XNDC1N: variants seen among roughly 807,000 people sequenced by gnomAD.
The protein encoded by XNDC1N is protein XNDC1N.
At chr11:71,882,445 G>T in the XNDC1N span, among the ~76,000 whole-genome samples, 1 of 152,094 alleles carries the variant, frequency 6.6e-6, no homozygotes, top group East Asian at 1.9e-4. Context: ...TGGCCAGGCT[G>T]GTCTTGAACC....
At chr11:71,895,501 A>C in the XNDC1N span, among the ~76,000 whole-genome samples, 3 of 74,322 alleles carry the variant, frequency 4.0e-5, no homozygotes, top group Admixed American at 1.5e-4. Context: ...TTTTTTTTGT[A>C]TTGTTAATAG....
the XNDC1N span, chr11:71,903,637 T>C: frequency 2.0e-6 from 1 of 507,994 alleles, no homozygotes; most frequent in Non-Finnish European, 3.4e-6. Flanking sequence ...TTTGTTGTCC[T>C]TGTTTTTTTT....
the XNDC1N span, chr11:71,919,072 G>C: frequency 1.4e-6 from 1 of 696,704 alleles, no homozygotes; most frequent in Non-Finnish European, 2.6e-6. Context: ...CTGCGCCCAA[G>C]GGAAAAAGGA....
the XNDC1N span, among the ~76,000 whole-genome samples, chr11:71,885,329 T>A: frequency 6.6e-6 from 1 of 152,136 alleles, no homozygotes; most frequent in Non-Finnish European, 1.5e-5. Flanking sequence ...GGGAACAATA[T>A]CCTTGGTGGT....
At chr11:71,924,581 G>A in the XNDC1N span, among the ~76,000 whole-genome samples, 1 of 152,116 alleles carries the variant, frequency 6.6e-6, no homozygotes, top group Non-Finnish European at 1.5e-5. Flanking sequence ...GGGAGGCTGA[G>A]GCAGGAGAAT....
the XNDC1N span, among the ~76,000 whole-genome samples, chr11:71,881,496 G>C: frequency 6.6e-6 from 1 of 152,212 alleles, no homozygotes; most frequent in South Asian, 2.1e-4. Flanking sequence ...GCTTGCAGCT[G>C]GTTGCCTTCT....
chr11:71,916,229 C>T, the XNDC1N span: 1 of 702,730 alleles, frequency 1.4e-6, no homozygotes, highest in Non-Finnish European at 2.6e-6. Context: ...CATAACTCTC[C>T]TGAGGCTGGA....
At chr11:71,904,073 A>T in the XNDC1N span, 1 of 522,156 alleles carries the variant, frequency 1.9e-6, no homozygotes, top group South Asian at 1.4e-5. Context: ...AGCCTGAGAA[A>T]CAGGGATATG....
At chr11:71,885,360 A>G in the XNDC1N span, among the ~76,000 whole-genome samples, 3 of 152,120 alleles carry the variant, frequency 2.0e-5, no homozygotes, top group South Asian at 6.2e-4. Flanking sequence ...TGCCATATAT[A>G]TAGTCCTATC....
At chr11:71,870,347 G>C in the XNDC1N span, among the ~76,000 whole-genome samples, 21 of 152,114 alleles carry the variant, frequency 1.4e-4, no homozygotes, top group African/African-American at 4.8e-4. Flanking sequence ...GGGGGCCAAG[G>C]CTCAGCTCAT....
the XNDC1N span, chr11:71,894,514 T>C: frequency 6.3e-6 from 1 of 157,548 alleles, no homozygotes; most frequent in South Asian, 1.9e-4. Context: ...ATGGCTTTTA[T>C]TCCTTTCCGC....
At chr11:71,887,539 T>G in the XNDC1N span, among the ~76,000 whole-genome samples, 77 of 136,860 alleles carry the variant, frequency 5.6e-4, 1 homozygote, top group African/African-American at 2.0e-3. Context: ...GCCAAGAGTA[T>G]GGGCAGAAGA....
the XNDC1N span, among the ~76,000 whole-genome samples, chr11:71,876,322 G>T: frequency 6.6e-6 from 1 of 151,898 alleles, no homozygotes; most frequent in African/African-American, 2.4e-5. Context: ...TTTTCTTCTT[G>T]GTGTTCTTTT....
chr11:71,906,270 T>C, the XNDC1N span, among the ~76,000 whole-genome samples: 2 of 150,550 alleles, frequency 1.3e-5, no homozygotes, highest in South Asian at 4.2e-4. Context: ...ACATTAGGAG[T>C]ATAGACCCCT....
the XNDC1N span, among the ~76,000 whole-genome samples, chr11:71,908,178 T>C: frequency 2.0e-5 from 3 of 151,930 alleles, no homozygotes; most frequent in African/African-American, 7.3e-5. Context: ...AACATGAATA[T>C]GAATGACCGA....
chr11:71,923,437 G>A, the XNDC1N span: 1 of 673,922 alleles, frequency 1.5e-6, no homozygotes, highest in Admixed American at 2.3e-5. Context: ...CACTGACTAT[G>A]TGTTAGCTTC....
chr11:71,873,818 T>C, the XNDC1N span, among the ~76,000 whole-genome samples: 4 of 152,366 alleles, frequency 2.6e-5, no homozygotes, highest in African/African-American at 7.2e-5. Context: ...ATGTAGTTTT[T>C]TTAAAAAACG....
the XNDC1N span, among the ~76,000 whole-genome samples, chr11:71,885,011 G>A: frequency 6.6e-6 from 1 of 152,024 alleles, no homozygotes; most frequent in African/African-American, 2.4e-5. Flanking sequence ...TTTAGGATCC[G>A]CGGTGGATAC....
At chr11:71,873,807 T>C in the XNDC1N span, among the ~76,000 whole-genome samples, 2 of 152,388 alleles carry the variant, frequency 1.3e-5, no homozygotes, top group East Asian at 1.9e-4. Flanking sequence ...GGATTTATTC[T>C]ATGTAGTTTT....
Sources: allele counts gnomAD v4.1 joint callset (sites outside exome capture counted in the v4.1 genomes callset), GRCh38; gene constraint gnomAD v4.1.1; transcripts MANE v1.5; gene names NCBI Gene and HGNC (gene_info 2026-07-23, HGNC 2026-07-21).